EXOC4: variants seen among roughly 807,000 people sequenced by gnomAD.
EXOC4 encodes SEC8-like 1.
A neutral mutation model predicts 107.2 loss-of-function variants in EXOC4; 71 were observed. The observed-to-expected ratio is 0.66, with a 90% CI of 0.55 to 0.81. The LOEUF (loss-of-function observed/expected upper bound fraction) is 0.81, where lower values mean the gene tolerates loss of function less well. Among genes scored for constraint, EXOC4 ranks in the 30% least tolerant of loss-of-function variants. The pLI is 0.00. For missense variants in EXOC4, 1,108 were observed against 1,189.6 expected, an observed-to-expected ratio of 0.93 and a Z score of 1.01; for synonymous variants, 456 against 441.2, an observed-to-expected ratio of 1.03 and a Z score of -0.42.
intron 11 of EXOC4, among the ~76,000 whole-genome samples, chr7:133,843,398 G>C (rs1798060897): frequency 6.6e-6 from 1 of 152,116 alleles, no homozygotes; most frequent in African/African-American, 2.4e-5. Flanking sequence ...CTGGTTAGCT[G>C]TATTCCTAGT....
At chr7:133,559,412 A>G (rs1336473417) in intron 9 of EXOC4, among the ~76,000 whole-genome samples, 1 of 152,118 alleles carries the variant, frequency 6.6e-6, no homozygotes, top group Admixed American at 6.6e-5. Flanking sequence ...TTTAATCTAT[A>G]TAGAATTTAT....
intron 11 of EXOC4, among the ~76,000 whole-genome samples, chr7:133,857,869 G>C (rs73155122): frequency 0.12 from 17,989 of 152,108 alleles, 1,180 homozygotes; most frequent in Middle Eastern, 0.15. Context: ...CGGATCGGGC[G>C]TGGGGGGAGG....
intron 10 of EXOC4, among the ~76,000 whole-genome samples, chr7:133,730,441 T>A (rs1795302827): frequency 6.6e-6 from 1 of 152,008 alleles, no homozygotes; most frequent in African/African-American, 2.4e-5. Context: ...TTCTAACAGA[T>A]TAGTAAGATG....
Position 133,945,131 on chromosome 7 carries a change from A to G in EXOC4, c.2206+7062A>G, listed in dbSNP as rs185214504. The stretch of plus-strand genomic sequence containing the variant: ...ATACTGATGTAGAGATTTTGATGTA[A>G]TTGTTCCTAGGTATGACATGGGCAA... On this transcript the variant is annotated intron_variant, in intron 14 of 17. Coordinates refer to ENST00000253861, the MANE Select transcript of EXOC4 (RefSeq NM_021807.4). Among the ~76,000 whole-genome samples, 11 of 152,272 alleles carry G rather than the reference A, an allele frequency of 7.2e-5. No individual in the cohort carries two copies. In the East Asian group the frequency reaches 2.1e-3, roughly 29 times the overall value.
chr7:133,328,823 C>CA (rs1364443095), intron 5 of EXOC4, among the ~76,000 whole-genome samples: 2 of 152,124 alleles, frequency 1.3e-5, no homozygotes, highest in African/African-American at 4.8e-5. Context: ...GTGGGTAACC[C>CA]AGCCTTTCTC....
chr7:133,897,345 A>T (rs1799343334), intron 12 of EXOC4, among the ~76,000 whole-genome samples: 1 of 152,166 alleles, frequency 6.6e-6, no homozygotes, highest in Non-Finnish European at 1.5e-5. Context: ...GGTTAAAATC[A>T]TACATATACT....
At position 133,362,180 on chromosome 7, in the gene EXOC4, A is replaced by G. The variant is rs117527550; in HGVS notation, c.1007+5607A>G. Among the ~76,000 whole-genome samples, 99 of 152,180 alleles carry G rather than the reference A, an allele frequency of 6.5e-4. No homozygotes were observed. The East Asian group carries it at 0.019, about 29-fold the overall frequency. ...CTTCTGGGTTTTGTGTCATACTTAG[A>G]GCTTCCCTACTCTTAGATTATAATA... is the stretch of plus-strand genomic sequence containing the variant. On this transcript the variant is annotated intron_variant, in intron 6 of 17. Transcript: ENST00000253861.
At chr7:133,545,952 G>C (rs1296702762) in intron 9 of EXOC4, among the ~76,000 whole-genome samples, 1 of 152,040 alleles carries the variant, frequency 6.6e-6, no homozygotes, top group Non-Finnish European at 1.5e-5. Context: ...ACTATTTCCT[G>C]CTGCTTCAGT....
At chr7:133,444,866 A>G (rs1203885477) in intron 7 of EXOC4, among the ~76,000 whole-genome samples, 1 of 152,184 alleles carries the variant, frequency 6.6e-6, no homozygotes. Flanking sequence ...GCCTTACCAG[A>G]TAGATTGTAT....
At chr7:133,576,293 T>C (rs1801124958) in intron 9 of EXOC4, among the ~76,000 whole-genome samples, 1 of 152,180 alleles carries the variant, frequency 6.6e-6, no homozygotes, top group Non-Finnish European at 1.5e-5. Context: ...ATTACACATA[T>C]GGCCTAGAAT....
intron 9 of EXOC4, among the ~76,000 whole-genome samples, chr7:133,574,126 T>C (rs1018509498): frequency 2.0e-5 from 3 of 152,208 alleles, no homozygotes; most frequent in African/African-American, 7.2e-5. Context: ...ATGACTGATA[T>C]CTGATGTAAG....
chr7:133,776,655 C>A (rs1796351714), intron 10 of EXOC4, among the ~76,000 whole-genome samples: 1 of 152,236 alleles, frequency 6.6e-6, no homozygotes, highest in Non-Finnish European at 1.5e-5. Flanking sequence ...CCTCTTAAAT[C>A]ATCAACATAT....
intron 10 of EXOC4, among the ~76,000 whole-genome samples, chr7:133,737,026 A>G (rs1795458552): frequency 6.6e-6 from 1 of 152,150 alleles, no homozygotes; most frequent in African/African-American, 2.4e-5. Context: ...TTTGTCACTA[A>G]CAGTTATTAT....
intron 13 of EXOC4, among the ~76,000 whole-genome samples, chr7:133,933,832 T>C (rs998556366): frequency 6.6e-6 from 1 of 152,236 alleles, no homozygotes; most frequent in Non-Finnish European, 1.5e-5. Context: ...GCGTGCCCAT[T>C]TGAAAGTTCT....
chr7:133,554,515 A>T (rs1264124288), intron 9 of EXOC4, among the ~76,000 whole-genome samples: 2 of 152,130 alleles, frequency 1.3e-5, no homozygotes, highest in East Asian at 3.9e-4. Context: ...TCAAAATGCT[A>T]CTAAATTGAT....
chr7:134,059,565 G>A (rs942249785), intron 17 of EXOC4, among the ~76,000 whole-genome samples: 2 of 152,150 alleles, frequency 1.3e-5, no homozygotes, highest in African/African-American at 4.8e-5. Flanking sequence ...TAAATTGATA[G>A]AGCTTTTTTA....
At chr7:134,011,685 T>A (rs148445738) in intron 17 of EXOC4, among the ~76,000 whole-genome samples, 3,401 of 151,966 alleles carry the variant, frequency 0.022, 134 homozygotes, top group African/African-American at 0.077. Flanking sequence ...TCTCTGTAGG[T>A]CCTGGCCTCA....
intron 5 of EXOC4, among the ~76,000 whole-genome samples, chr7:133,325,519 A>T (rs1795217285): frequency 6.6e-6 from 1 of 152,134 alleles, no homozygotes; most frequent in African/African-American, 2.4e-5. Flanking sequence ...TCTTTTCTTT[A>T]AGAATGTTGT....
chr7:133,702,198 A>G (rs532838134), intron 10 of EXOC4, among the ~76,000 whole-genome samples: 3 of 150,720 alleles, frequency 2.0e-5, no homozygotes, highest in East Asian at 1.9e-4. Context: ...AAAATATATA[A>G]CATACCATTA....
Sources: allele counts gnomAD v4.1 joint callset (sites outside exome capture counted in the v4.1 genomes callset), GRCh38; gene constraint gnomAD v4.1.1; transcripts MANE v1.5; gene names NCBI Gene and HGNC (gene_info 2026-07-23, HGNC 2026-07-21).